The following HEATR4 variants were observed in gnomAD, a reference collection of about 807,000 sequenced individuals.
The protein encoded by HEATR4 is HEAT repeat containing 4.
Under a neutral mutation model 108.8 loss-of-function variants are expected in HEATR4, and 95 were observed. The observed-to-expected ratio is 0.87, with a 90% CI of 0.74 to 1.04. The LOEUF is 1.04. HEATR4 is among the 50% of genes least tolerant of loss of function. The probability of loss-of-function intolerance (pLI) is 0.00; values close to 1 mark genes in which losing one functional copy is unlikely to be tolerated. For synonymous variants in HEATR4, 443 were observed against 459.4 expected, an observed-to-expected ratio of 0.96 and a Z score of 0.46; for missense variants, 1,152 against 1,253.8, an observed-to-expected ratio of 0.92 and a Z score of 1.23.
At chr14:73,587,110 T>C in the HEATR4 span, among the ~76,000 whole-genome samples, 1 of 148,460 alleles carries the variant, frequency 6.7e-6, no homozygotes, top group Non-Finnish European at 1.5e-5. Flanking sequence ...TATAGAAAAA[T>C]TAAATGATTC....
Position 73,506,804 on chromosome 14 carries a change from G to GTTTTTTTTTTTTTTTTTTTTTTTTTT in HEATR4, c.1882-234_1882-233insAAAAAAAAAAAAAAAAAAAAAAAAAA, listed in dbSNP as rs34660727. 4.0e-4 allele frequency among the ~76,000 whole-genome samples: 32 copies of GTTTTTTTTTTTTTTTTTTTTTTTTTT among 80,488 alleles called. 4 individuals carry two copies. Among genetic ancestry groups the GTTTTTTTTTTTTTTTTTTTTTTTTTT allele is most frequent in the East Asian group, 1.2e-3 (2 of 1,736 alleles). The allele number at this position is 80,488 out of a possible 152,430, so 52.8% of individuals were successfully genotyped here. ...GGACCTTCCTTTCCTGACTTTAACT[G>GTTTTTTTTTTTTTTTTTTTTTTTTTT]TTTTTTTTTTTTTTTTTTTTTCTGA... On this transcript the variant is annotated intron_variant, in intron 9 of 17. Transcript: ENST00000553558.
upstream of HEATR4, among the ~76,000 whole-genome samples, chr14:73,562,162 G>A (rs1239107605): frequency 6.6e-6 from 1 of 151,982 alleles, no homozygotes; most frequent in African/African-American, 2.4e-5. Flanking sequence ...TGGTGGCAGT[G>A]GGGAATAAGG....
intron 13 of HEATR4, 42 bp downstream of exon 13, chr14:73,499,029 G>A: frequency 6.5e-7 from 1 of 1,533,212 alleles, no homozygotes. Flanking sequence ...ATAGGCAAAG[G>A]TATTTAAGGT....
chr14:73,569,139 A>T, the HEATR4 span: 1 of 1,363,062 alleles, frequency 7.3e-7, no homozygotes, highest in East Asian at 2.3e-5. Context: ...CAGTGTGTCT[A>T]TATTTGGTCT....
intron 1 of HEATR4, among the ~76,000 whole-genome samples, chr14:73,535,660 T>C (rs1386281904): frequency 9.0e-6 from 1 of 111,302 alleles, no homozygotes; most frequent in Admixed American, 1.0e-4. Flanking sequence ...GGTTTTTTTT[T>C]AGTAGAGACG....
At chr14:73,487,055 C>CA (rs1192036229) in intron 17 of HEATR4, among the ~76,000 whole-genome samples, 3 of 148,160 alleles carry the variant, frequency 2.0e-5, no homozygotes, top group African/African-American at 7.4e-5. Flanking sequence ...ATCATGAGGT[C>CA]AGGAGATGGA....
At chr14:73,553,637 T>TG (rs1188541190) in intron 1 of HEATR4, among the ~76,000 whole-genome samples, 2 of 114,988 alleles carry the variant, frequency 1.7e-5, no homozygotes, top group African/African-American at 5.6e-5. Context: ...TTTTGCTTTT[T>TG]TTTTGTTTTG....
In HEATR4 at chr14:73,478,782, G is replaced by C. The variant is rs567620340; in HGVS notation, c.2905C>G (p.Arg969Gly). The change falls in exon 18 of 18, where the codon CGA (arginine) becomes GGA (glycine). Residue 969 changes from arginine (R) to glycine (G), a missense_variant. By Grantham distance (125) the Arg-to-Gly change is moderately radical. Coordinates refer to ENST00000553558, the MANE Select transcript of HEATR4 (RefSeq NM_001220484.1). ...ACAAGTGATGAACGAACTTTGCTTCGTGTGGTTAGGCCTGGGACTGAACTT... is the reference window on the plus strand; with the variant it reads ...ACAAGTGATGAACGAACTTTGCTTCCTGTGGTTAGGCCTGGGACTGAACTT... ...LQSSVPGLTT[R>G]SKVRSSLVKD... is the part of the protein sequence containing the mutation. 15 of 1,613,898 alleles carry C rather than the reference G, an allele frequency of 9.3e-6. No homozygotes were observed. Among genetic ancestry groups the C allele is most frequent in the African/African-American group, 1.3e-5 (1 of 74,884 alleles).
At chr14:73,573,325 C>T in the HEATR4 span, 1 of 1,609,446 alleles carries the variant, frequency 6.2e-7, no homozygotes, top group Non-Finnish European at 8.5e-7. Flanking sequence ...ATATGTTTAA[C>T]TTAAACCATC....
At chr14:73,617,928 T>A in the HEATR4 span, among the ~76,000 whole-genome samples, 4 of 151,916 alleles carry the variant, frequency 2.6e-5, no homozygotes, top group Admixed American at 1.3e-4. Context: ...GCAGATCACC[T>A]GAGGTCAGGA....
At chr14:73,566,039 ATAGT>A in the HEATR4 span, among the ~76,000 whole-genome samples, 1 of 151,946 alleles carries the variant, frequency 6.6e-6, no homozygotes, top group African/African-American at 2.4e-5. Flanking sequence ...CCCCACCAGA[ATAGT>A]TAGATACAGA....
At position 73,498,307 on chromosome 14, in the gene HEATR4, C is replaced by G. The variant is rs143819070; in HGVS notation, c.2394G>C (p.Thr798=). 1.2e-6 allele frequency: 2 copies of G among 1,610,986 alleles called. 1 individual carries two copies. Among genetic ancestry groups the G allele is most frequent in the South Asian group, 2.2e-5 (2 of 90,802 alleles). Residue 798 remains threonine, a synonymous_variant, in exon 14 of 18, where the codon ACG becomes ACC. Transcript: ENST00000553558. ...GQIGQVSPEL[T]DLLLWAIHYE... ...AGTGGATAGCCCAGAGCAGAAGATCCGTCAGCTCGGGACTTACTTGCCCAA... is the reference window on the plus strand; with the variant it reads ...AGTGGATAGCCCAGAGCAGAAGATCGGTCAGCTCGGGACTTACTTGCCCAA...
At chr14:73,615,954 C>T in the HEATR4 span, among the ~76,000 whole-genome samples, 1 of 151,962 alleles carries the variant, frequency 6.6e-6, no homozygotes, top group Non-Finnish European at 1.5e-5. Context: ...GGGAGGGTGG[C>T]TTCTTGAGGC....
chr14:73,587,226 G>A, the HEATR4 span, among the ~76,000 whole-genome samples: 1 of 151,956 alleles, frequency 6.6e-6, no homozygotes, highest in Non-Finnish European at 1.5e-5. Context: ...TTAGCTTCGG[G>A]GTGTCAAGAT....
At chr14:73,551,678 C>T (rs55899983) in intron 1 of HEATR4, among the ~76,000 whole-genome samples, 50,234 of 108,882 alleles carry the variant, frequency 0.46, 18,768 homozygotes, top group East Asian at 0.68. Flanking sequence ...TGTGGTGGTG[C>T]GCACCTGTAG....
chr14:73,616,778 G>A, the HEATR4 span: 1 of 447,178 alleles, frequency 2.2e-6, no homozygotes, highest in Non-Finnish European at 3.9e-6. Context: ...GATGAACGCT[G>A]AGATTTTAGT....
chr14:73,597,541 C>T, the HEATR4 span, among the ~76,000 whole-genome samples: 27,347 of 151,198 alleles, frequency 0.18, 4,341 homozygotes, highest in African/African-American at 0.43. Context: ...TGTGCCAGCA[C>T]GCCCAGCTAA....
chr14:73,615,546 C>CA, the HEATR4 span, among the ~76,000 whole-genome samples: 2 of 151,596 alleles, frequency 1.3e-5, no homozygotes, highest in Non-Finnish European at 2.9e-5. Flanking sequence ...GCCTCACCAA[C>CA]ATGGTGAAAC....
chr14:73,478,734 C>A lies in HEATR4; in HGVS notation c.2953G>T (p.Glu985Ter). ...AATGGTCCCACAGCAATCCTTTTCT[C>A]GGGGGAGGTGCGTAGATCTTTGACA... ...SLVKDLRTSPEKRIAVGPFRS... is the reference protein window; with the variant it reads ...SLVKDLRTSP The change falls in exon 18 of 18, where the codon GAG becomes TAG. Residue 985 changes from glutamate to a stop codon, truncating the protein, a stop_gained. Transcript: ENST00000553558. LOFTEE classifies it low-confidence loss of function (END_TRUNC). 2 of 1,613,896 alleles carry A rather than the reference C, an allele frequency of 1.2e-6. No homozygotes were observed. The highest frequency in any genetic ancestry group is 8.5e-7 in the Non-Finnish European group (1 of 1,179,964).
Sources: allele counts gnomAD v4.1 joint callset (sites outside exome capture counted in the v4.1 genomes callset), GRCh38; gene constraint gnomAD v4.1.1; transcripts MANE v1.5; gene names NCBI Gene and HGNC (gene_info 2026-07-23, HGNC 2026-07-21).